CLMP: variants seen among roughly 807,000 people sequenced by gnomAD.
CLMP encodes the protein CXADR like cell adhesion molecule.
In CLMP, 27 loss-of-function variants were observed where a neutral mutation model predicts 45.2. The observed-to-expected ratio is 0.60, with a 90% CI of 0.44 to 0.82. The LOEUF is 0.82. Ranked by LOEUF, CLMP falls within the 40% of genes least tolerant of loss-of-function variation. The pLI, the probability that CLMP is intolerant of heterozygous loss-of-function variation, is 0.00. For missense variants in CLMP, 403 were observed against 448.4 expected (o/e 0.90, Z 0.91); for synonymous variants, 167 against 171.4 (o/e 0.97, Z 0.20).
intron 5 of CLMP, among the ~76,000 whole-genome samples, chr11:123,075,475 C>T (rs1460580911): frequency 1.3e-5 from 2 of 151,982 alleles, no homozygotes; most frequent in East Asian, 3.9e-4. Context: ...CAAGCTCCGC[C>T]TCCCGGATTC....
At chr11:123,125,571 C>T (rs1447015736) in intron 1 of CLMP, among the ~76,000 whole-genome samples, 1 of 127,094 alleles carries the variant, frequency 7.9e-6, no homozygotes, top group African/African-American at 2.9e-5. Context: ...CTTCCTCCCT[C>T]CCTCCCTCCC....
At chr11:123,101,034 C>A (rs10892962) in intron 1 of CLMP, among the ~76,000 whole-genome samples, 62,124 of 151,930 alleles carry the variant, frequency 0.41, 13,363 homozygotes, top group African/African-American at 0.55. Context: ...TTAGAGACAC[C>A]TATTCTTGTA....
At chr11:123,111,920 C>G (rs1368990885) in intron 1 of CLMP, among the ~76,000 whole-genome samples, 1 of 151,732 alleles carries the variant, frequency 6.6e-6, no homozygotes, top group African/African-American at 2.4e-5. Context: ...CCAAAAAAGA[C>G]TTATTTATTT....
chr11:123,074,887 C>A, intron 5 of CLMP, 44 bp from the exon 6 acceptor site: 1 of 1,596,622 alleles, frequency 6.3e-7, no homozygotes, highest in Non-Finnish European at 8.5e-7. Context: ...CAAACGTAAG[C>A]TAGGAAATAT....
At chr11:123,124,036 C>G (rs976975577) in intron 1 of CLMP, among the ~76,000 whole-genome samples, 1 of 151,960 alleles carries the variant, frequency 6.6e-6, no homozygotes, top group Middle Eastern at 3.4e-3. Context: ...GAGGAGAGAG[C>G]GATTCATTTG....
chr11:123,151,729 G>C (rs1189571816), intron 1 of CLMP, among the ~76,000 whole-genome samples: 1 of 152,176 alleles, frequency 6.6e-6, no homozygotes, highest in African/African-American at 2.4e-5. Context: ...TTCCTGCTGA[G>C]ATATGAAGTA....
chr11:123,105,920 G>T (rs1157572458), intron 1 of CLMP, among the ~76,000 whole-genome samples: 1 of 151,510 alleles, frequency 6.6e-6, no homozygotes, highest in South Asian at 2.1e-4. Flanking sequence ...GGGTTCCAGC[G>T]ATTCTTGTGC....
chr11:123,074,595 A>T, intron 6 of CLMP, 107 bp downstream of exon 6: 1 of 1,171,736 alleles, frequency 8.5e-7, no homozygotes, highest in Non-Finnish European at 1.2e-6. Context: ...TAATCCTTTT[A>T]ACAGATTCAT....
intron 1 of CLMP, among the ~76,000 whole-genome samples, chr11:123,109,059 C>CAAAAAAAA (rs776811883): frequency 1.4e-4 from 9 of 64,124 alleles, no homozygotes; most frequent in East Asian, 4.5e-4. Flanking sequence ...AACTCTGTCT[C>CAAAAAAAA]AAAAAAAAAA....
chr11:123,186,076 CTG>C (rs1861831376), intron 1 of CLMP, among the ~76,000 whole-genome samples: 3 of 152,172 alleles, frequency 2.0e-5, no homozygotes, highest in African/African-American at 7.2e-5. Context: ...CAGATCAGTG[CTG>C]AAGAGGGCAA....
intron 1 of CLMP, among the ~76,000 whole-genome samples, chr11:123,132,701 C>G (rs1591471244): frequency 1.3e-5 from 2 of 152,160 alleles, no homozygotes; most frequent in Non-Finnish European, 1.5e-5. Flanking sequence ...TCAAGTGATT[C>G]ACCCACCTCA....
chr11:123,118,602 T>C (rs971650634), intron 1 of CLMP, among the ~76,000 whole-genome samples: 9 of 152,196 alleles, frequency 5.9e-5, no homozygotes, highest in Admixed American at 3.9e-4. Flanking sequence ...TAAATGATGG[T>C]ATGCAGATAA....
intron 5 of CLMP, 38 bp from the exon 6 acceptor site, chr11:123,074,881 C>T (rs1336540768): frequency 3.7e-6 from 6 of 1,601,414 alleles, no homozygotes; most frequent in South Asian, 2.2e-5. Flanking sequence ...TAAAACCAAA[C>T]GTAAGCTAGG....
chr11:123,169,520 A>C (rs1681609959), intron 1 of CLMP, among the ~76,000 whole-genome samples: 1 of 152,190 alleles, frequency 6.6e-6, no homozygotes, highest in Admixed American at 6.5e-5. Flanking sequence ...GTCTCCAAGA[A>C]GGACAGTGTC....
Position 123,092,289 on chromosome 11 carries a change from C to CAA in CLMP, c.186+5504_186+5505dup, listed in dbSNP as rs56965579. On this transcript the variant is annotated intron_variant, in intron 2 of 6. Transcript: ENST00000448775. ...GTCTCCACACACACACACACACACA[C>CAA]AAAGACACACACTTTTTTTTCTTTT... Among the ~76,000 whole-genome samples, 177 of 138,872 alleles carry CAA rather than the reference C, an allele frequency of 1.3e-3. 1 individual carries two copies. The highest frequency in any genetic ancestry group is 4.5e-3 in the African/African-American group (155 of 34,360). The allele number at this position is 138,872 out of a possible 152,430, so 91.1% of individuals were successfully genotyped here.
Position 123,133,858 on chromosome 11 carries a change from T to C in CLMP, c.29-35906A>G, listed in dbSNP as rs555176399. Reference sequence around the variant, plus strand: ...CCCCCAGCTTATTACCCTTAGATCATACCCTTTTCCCATGATTTTTTACTC... The same window carrying C: ...CCCCCAGCTTATTACCCTTAGATCACACCCTTTTCCCATGATTTTTTACTC... On this transcript the variant is annotated intron_variant, in intron 1 of 6. Coordinates refer to ENST00000448775, the MANE Select transcript of CLMP (RefSeq NM_024769.5). 7.2e-5 allele frequency among the ~76,000 whole-genome samples: 11 copies of C among 152,264 alleles called. No homozygotes were observed. The South Asian group carries it at 1.5e-3, about 20-fold the overall frequency.
At chr11:123,192,319 G>C (rs1189798012) in intron 1 of CLMP, among the ~76,000 whole-genome samples, 1 of 152,174 alleles carries the variant, frequency 6.6e-6, no homozygotes, top group Non-Finnish European at 1.5e-5. Flanking sequence ...AAAAACCATA[G>C]AATTATAGAA....
intron 1 of CLMP, among the ~76,000 whole-genome samples, chr11:123,175,734 G>A (rs962185107): frequency 6.6e-6 from 1 of 152,198 alleles, no homozygotes; most frequent in Admixed American, 6.5e-5. Context: ...AAGCTTATGA[G>A]TCTCCGTGTC....
intron 1 of CLMP, among the ~76,000 whole-genome samples, chr11:123,172,401 G>A (rs1390834376): frequency 6.6e-6 from 1 of 150,968 alleles, no homozygotes; most frequent in Non-Finnish European, 1.5e-5. Context: ...TTGAGCCACC[G>A]CACCCAGCCT....
Sources: allele counts gnomAD v4.1 joint callset (sites outside exome capture counted in the v4.1 genomes callset), GRCh38; gene constraint gnomAD v4.1.1; transcripts MANE v1.5; gene names NCBI Gene and HGNC (gene_info 2026-07-23, HGNC 2026-07-21).